IGF1R: variants seen among roughly 807,000 people sequenced by gnomAD.
The protein encoded by IGF1R is insulin like growth factor 1 receptor.
Under a neutral mutation model 144.6 loss-of-function variants are expected in IGF1R, and 44 were observed. That is an observed-to-expected ratio of 0.30 (90% CI 0.24 to 0.39). IGF1R has a LOEUF of 0.39. Among genes scored for constraint, IGF1R ranks in the 10% least tolerant of loss-of-function variants. The pLI is 1.00. For missense variants in IGF1R, 1,355 were observed against 1,833.7 expected (o/e 0.74, Z 4.77); for synonymous variants, 795 against 722.8 (o/e 1.10, Z -1.60).
At position 98,935,554 on chromosome 15, in the gene IGF1R, A is replaced by ATGC; in HGVS notation, c.3297+130_3297+132dup. The ATGC allele has an allele frequency of 2.8e-6, 2 of 726,560 alleles. No individual in the cohort carries two copies. The highest frequency in any genetic ancestry group is 4.0e-5 in the Admixed American group (2 of 49,922). The allele number at this position is 726,560 out of a possible 1,614,324, so 45.0% of individuals were successfully genotyped here. A position where few individuals can be genotyped will look rare whatever the true frequency, so the allele number is the denominator to read the frequency against. On this transcript the variant is annotated intron_variant, in intron 17 of 20. Transcript: ENST00000650285. The surrounding 1 kb of genome is among the most constrained non-coding windows in gnomAD (Gnocchi z 4.2). ...TCCAGCATCCAGTGTTTCTTACTGC[A>ATGC]TGCTCAGTTGTAGGTCATTTATGCA...
intron 6 of IGF1R, among the ~76,000 whole-genome samples, chr15:98,909,323 A>G (rs1389076477): frequency 3.9e-5 from 5 of 129,810 alleles, no homozygotes; most frequent in Non-Finnish European, 6.1e-5. Context: ...GTGCAGTGGC[A>G]TGATCTTGGC....
chr15:98,836,646 G>C (rs1019729268), intron 2 of IGF1R, among the ~76,000 whole-genome samples: 7 of 151,856 alleles, frequency 4.6e-5, no homozygotes, highest in African/African-American at 1.7e-4. Flanking sequence ...TGTTAACCAT[G>C]GACTATTTGA....
intron 7 of IGF1R, among the ~76,000 whole-genome samples, chr15:98,912,443 A>C (rs1421880371): frequency 6.6e-6 from 1 of 152,194 alleles, no homozygotes; most frequent in Non-Finnish European, 1.5e-5. Flanking sequence ...GATAAATATA[A>C]AATACCTACC....
chr15:98,790,255 G>A (rs1208001087), intron 2 of IGF1R, among the ~76,000 whole-genome samples: 2 of 152,144 alleles, frequency 1.3e-5, no homozygotes, highest in Non-Finnish European at 2.9e-5. Flanking sequence ...GGTGGCCTGG[G>A]CAACTTGTGT....
At chr15:98,869,743 T>A (rs1313915889) in intron 2 of IGF1R, among the ~76,000 whole-genome samples, 1 of 152,194 alleles carries the variant, frequency 6.6e-6, no homozygotes, top group Non-Finnish European at 1.5e-5. Context: ...TTGAGATTCT[T>A]GTAAGCCAAG....
intron 2 of IGF1R, among the ~76,000 whole-genome samples, chr15:98,719,375 G>A (rs1414611927): frequency 6.6e-6 from 1 of 152,152 alleles, no homozygotes; most frequent in East Asian, 1.9e-4. Flanking sequence ...TTTGTGACCA[G>A]TAGTCCTTTA....
Position 98,714,138 on chromosome 15 carries a change from G to C in IGF1R, c.640+6031G>C, listed in dbSNP as rs200065562. Among the ~76,000 whole-genome samples, 4 of 151,866 alleles carry C rather than the reference G, an allele frequency of 2.6e-5. No homozygotes were observed. In the East Asian group the frequency reaches 7.7e-4, roughly 29 times the overall value. ...AACATTTTACTGCCATCTCACTGAT[G>C]GCATCTCACTGACTTAAAATGAAGG... On this transcript the variant is annotated intron_variant, in intron 2 of 20. Transcript: ENST00000650285.
At chr15:98,747,775 A>G (rs1241134124) in intron 2 of IGF1R, among the ~76,000 whole-genome samples, 2 of 152,220 alleles carry the variant, frequency 1.3e-5, no homozygotes, top group Non-Finnish European at 2.9e-5. Context: ...CTCAAGAGCT[A>G]GAGAGAGATG....
At chr15:98,679,573 C>A (rs966409980) in intron 1 of IGF1R, among the ~76,000 whole-genome samples, 3 of 152,170 alleles carry the variant, frequency 2.0e-5, no homozygotes, top group Non-Finnish European at 4.4e-5. Context: ...CTGGTGTAAG[C>A]CCACTGTGCT....
intron 2 of IGF1R, among the ~76,000 whole-genome samples, chr15:98,733,741 T>G (rs547642377): frequency 3.9e-5 from 6 of 152,322 alleles, no homozygotes; most frequent in African/African-American, 1.4e-4. Flanking sequence ...AACATGGGAC[T>G]GTTTGCAAGC....
At chr15:98,875,349 CTTTT>C (rs34303390) in intron 2 of IGF1R, among the ~76,000 whole-genome samples, 1 of 130,206 alleles carries the variant, frequency 7.7e-6, no homozygotes, top group Non-Finnish European at 1.6e-5. Context: ...CTTTTCTTTT[CTTTT>C]TTTTTTTTTT....
chr15:98,861,421 A>G (rs1054313069), intron 2 of IGF1R, among the ~76,000 whole-genome samples: 7 of 152,118 alleles, frequency 4.6e-5, no homozygotes, highest in Non-Finnish European at 8.8e-5. Context: ...CTCTGCATGC[A>G]GCGCTGGTGC....
At chr15:98,839,182 A>G (rs1027420977) in intron 2 of IGF1R, among the ~76,000 whole-genome samples, 1 of 152,260 alleles carries the variant, frequency 6.6e-6, no homozygotes, top group African/African-American at 2.4e-5. Flanking sequence ...CACTTGCCAT[A>G]TACTCAGTTG....
At chr15:98,774,900 G>A (rs1261068141) in intron 2 of IGF1R, among the ~76,000 whole-genome samples, 1 of 152,052 alleles carries the variant, frequency 6.6e-6, no homozygotes, top group East Asian at 1.9e-4. Flanking sequence ...AGTAGTACTC[G>A]ACTCATTATT....
At chr15:98,877,005 T>A (rs74034267) in intron 2 of IGF1R, among the ~76,000 whole-genome samples, 2,111 of 152,308 alleles carry the variant, frequency 0.014, 64 homozygotes, top group African/African-American at 0.048. Context: ...CTATAATAAA[T>A]GTTTACAAGT....
chr15:98,885,833 G>A (rs902443971), intron 2 of IGF1R, among the ~76,000 whole-genome samples: 5 of 79,530 alleles, frequency 6.3e-5, no homozygotes, highest in African/African-American at 2.2e-4. Context: ...TTTTTTTTTT[G>A]GAGATAGAGT....
intron 2 of IGF1R, among the ~76,000 whole-genome samples, chr15:98,860,023 C>T (rs2012060817): frequency 6.6e-6 from 1 of 152,188 alleles, no homozygotes; most frequent in East Asian, 1.9e-4. Context: ...TCAAGCAATT[C>T]TCCTGCCTCA....
At chr15:98,867,517 A>T (rs924392200) in intron 2 of IGF1R, among the ~76,000 whole-genome samples, 1 of 152,090 alleles carries the variant, frequency 6.6e-6, no homozygotes, top group Non-Finnish European at 1.5e-5. Flanking sequence ...ATGCCTTGCC[A>T]TCGTGTGGGC....
intron 20 of IGF1R, among the ~76,000 whole-genome samples, chr15:98,949,937 A>G (rs899585702): frequency 1.3e-5 from 2 of 152,152 alleles, no homozygotes; most frequent in African/African-American, 4.8e-5. Flanking sequence ...GTTCCAGTTC[A>G]GTCATCAGGC....
Sources: allele counts gnomAD v4.1 joint callset (sites outside exome capture counted in the v4.1 genomes callset), GRCh38; gene constraint gnomAD v4.1.1; non-coding constraint Gnocchi (gnomAD v3.1); transcripts MANE v1.5; gene names NCBI Gene and HGNC (gene_info 2026-07-23, HGNC 2026-07-21).